The following RNF128 variants were observed in gnomAD, a reference collection of about 807,000 sequenced individuals.
RNF128 encodes ring finger protein 128, also known as E3 ubiquitin-protein ligase RNF128.
A neutral mutation model predicts 26.2 loss-of-function variants in RNF128; 13 were observed. The ratio of observed to expected loss-of-function variants is 0.50; its 90% confidence interval spans 0.32 to 0.79. The LOEUF (loss-of-function observed/expected upper bound fraction) is 0.79. RNF128 is among the 30% of genes least tolerant of loss of function. The pLI, the probability that RNF128 is intolerant of heterozygous loss-of-function variation, is 0.03. For synonymous variants in RNF128, 149 were observed against 142.5 expected (o/e 1.05, Z -0.32); for missense variants, 315 against 349.7 (o/e 0.90, Z 0.79).
chrX:106,769,635 A>G (rs1387532924), intron 1 of RNF128, among the ~76,000 whole-genome samples: 1 of 99,078 alleles, frequency 1.0e-5, no homozygotes, highest in African/African-American at 3.8e-5. Flanking sequence ...TGCATGTGAG[A>G]TGGGTCTCCT....
intron 1 of RNF128, among the ~76,000 whole-genome samples, chrX:106,716,573 G>T (rs1172812017): frequency 9.0e-6 from 1 of 110,781 alleles, no homozygotes; most frequent in Admixed American, 9.7e-5. Context: ...ACTAAAAAGG[G>T]TGAATTTTAC....
intron 4 of RNF128, 57 bp from the exon 5 acceptor site, chrX:106,790,129 T>G (rs1046460706): frequency 1.4e-6 from 1 of 715,276 alleles, no homozygotes; most frequent in Non-Finnish European, 2.2e-6. Context: ...TGTTAATATA[T>G]ATTAGGTAAA....
intron 1 of RNF128, among the ~76,000 whole-genome samples, chrX:106,730,309 C>T: frequency 8.9e-6 from 1 of 112,214 alleles, no homozygotes. Context: ...TTCTGATTCA[C>T]ACAGATAAAT....
chrX:106,760,215 C>T (rs772713217), intron 1 of RNF128, among the ~76,000 whole-genome samples: 4 of 111,618 alleles, frequency 3.6e-5, no homozygotes, highest in Non-Finnish European at 5.7e-5. Flanking sequence ...TTTTATGGAA[C>T]ATCTAATTCC....
intron 2 of RNF128, among the ~76,000 whole-genome samples, chrX:106,780,570 G>A (rs192740854): frequency 6.2e-5 from 7 of 112,225 alleles, no homozygotes; most frequent in East Asian, 5.6e-4. Flanking sequence ...GGCAAAAGGC[G>A]TTTGACATCA....
At position 106,769,117 on chromosome X, in the gene RNF128, G is replaced by A. The variant is rs150733047; in HGVS notation, c.485-3796G>A. On this transcript the variant is annotated intron_variant, in intron 1 of 6. Coordinates refer to ENST00000255499, the MANE Select transcript of RNF128 (RefSeq NM_194463.2). ...TTTCTGTTCTTTTACATTTGCTGAGGAGTGTTTTACTTCCAACTATGTCGT... is the reference window on the plus strand; with the variant it reads ...TTTCTGTTCTTTTACATTTGCTGAGAAGTGTTTTACTTCCAACTATGTCGT... Among the ~76,000 whole-genome samples the A allele has an allele frequency of 3.6e-4, 40 of 111,944 alleles. No homozygotes were observed. The East Asian group carries it at 5.3e-3, about 15-fold the overall frequency.
intron 1 of RNF128, among the ~76,000 whole-genome samples, chrX:106,742,002 G>T (rs1317748601): frequency 9.0e-6 from 1 of 111,650 alleles, no homozygotes; most frequent in East Asian, 2.8e-4. Context: ...TTTTGAAAAA[G>T]AATAATGTAC....
Position 106,721,169 on chromosome X carries a change from C to T in RNF128, c.406+26761C>T, listed in dbSNP as rs775489659. Among the ~76,000 whole-genome samples the T allele has an allele frequency of 8.0e-5, 9 of 111,910 alleles. No homozygotes were observed. The South Asian group carries it at 3.4e-3, about 42-fold the overall frequency. On this transcript the variant is annotated intron_variant, in intron 1 of 6. Coordinates refer to the RNF128 transcript ENST00000324342. ...TTGACTGCTTCTTCTCTCCACACAC[C>T]CACCATTTTCTTCTTGCTATCTACA...
At position 106,737,825 on chromosome X, in the gene RNF128, T is replaced by C. The variant is rs182127022; in HGVS notation, c.484+10428T>C. Among the ~76,000 whole-genome samples, 717 of 112,046 alleles carry C rather than the reference T, an allele frequency of 6.4e-3. 4 individuals carry two copies. Among genetic ancestry groups the C allele is most frequent in the Non-Finnish European group, 0.011 (604 of 53,145 alleles). The stretch of plus-strand genomic sequence containing the variant: ...ATAGGTGTGTTTCAATCAAATTCTT[T>C]CATCACCAGTTCATTTTGGCAAAAG... On this transcript the variant is annotated intron_variant, in intron 1 of 6. Coordinates refer to ENST00000255499, the MANE Select transcript of RNF128 (RefSeq NM_194463.2).
chrX:106,713,111 G>T (rs1450226239), intron 1 of RNF128, among the ~76,000 whole-genome samples: 1 of 107,876 alleles, frequency 9.3e-6, no homozygotes, highest in Non-Finnish European at 1.9e-5. Context: ...GAACTCCAGA[G>T]CTCAAGTCGT....
At position 106,795,634 on chromosome X, in the gene RNF128, T is replaced by A. The variant is rs765559218; in HGVS notation, c.1208T>A (p.Ile403Asn). Reference protein sequence around the residue: ...HEANSVAVDVIPHVDNPTFEE... With the variant: ...HEANSVAVDVNPHVDNPTFEE... ...GCAAATTCTGTGGCAGTGGATGTTA[T>A]TCCTCATGTTGACAACCCAACCTTT... is the stretch of plus-strand genomic sequence containing the variant. Residue 403 changes from isoleucine (I) to asparagine (N), a missense_variant, in exon 7 of 7, where the codon ATT becomes AAT. Physicochemically the swap from Ile to Asn is moderately radical, Grantham distance 149. Coordinates refer to ENST00000255499, the MANE Select transcript of RNF128 (RefSeq NM_194463.2). 5.8e-6 allele frequency: 7 copies of A among 1,201,655 alleles called. No homozygotes were observed. Among genetic ancestry groups the A allele is most frequent in the Non-Finnish European group, 6.7e-6 (6 of 889,255 alleles).
intron 4 of RNF128, among the ~76,000 whole-genome samples, chrX:106,789,294 T>G (rs1351911263): frequency 1.0e-5 from 1 of 97,293 alleles, no homozygotes; most frequent in Non-Finnish European, 2.0e-5. Context: ...TCTTGATAGA[T>G]TAGAATAAAT....
intron 1 of RNF128, among the ~76,000 whole-genome samples, chrX:106,748,680 A>C (rs1929827236): frequency 8.9e-6 from 1 of 111,858 alleles, no homozygotes; most frequent in African/African-American, 3.2e-5. Context: ...AGAAAGACAA[A>C]TGTCACATGT....
chrX:106,762,438 C>T (rs1205950587), intron 1 of RNF128, among the ~76,000 whole-genome samples: 1 of 109,853 alleles, frequency 9.1e-6, no homozygotes, highest in Admixed American at 9.7e-5. Flanking sequence ...CTCAGCCTCC[C>T]GAGTAGCTGG....
chrX:106,738,867 A>T (rs183529421), intron 1 of RNF128, among the ~76,000 whole-genome samples: 9 of 111,845 alleles, frequency 8.0e-5, no homozygotes, highest in African/African-American at 2.6e-4. Context: ...TTATTAAAGG[A>T]TAGCTTGACC....
At chrX:106,764,992 A>G (rs755921274) in intron 1 of RNF128, among the ~76,000 whole-genome samples, 1 of 111,801 alleles carries the variant, frequency 8.9e-6, no homozygotes, top group African/African-American at 3.2e-5. Context: ...CTCCAGATCC[A>G]TAAGGGATAT....
At chrX:106,731,242 T>C (rs1454300787) in intron 1 of RNF128, among the ~76,000 whole-genome samples, 1 of 112,115 alleles carries the variant, frequency 8.9e-6, no homozygotes, top group African/African-American at 3.2e-5. Context: ...CCTGAAATTC[T>C]AATTTGATCC....
At chrX:106,699,608 C>T (rs1208988122) in intron 1 of RNF128, among the ~76,000 whole-genome samples, 1 of 112,026 alleles carries the variant, frequency 8.9e-6, no homozygotes, top group African/African-American at 3.2e-5. Flanking sequence ...ACATATAGGT[C>T]GATCACATCA....
rs1437939798 is a variant in RNF128, at chrX:106,765,499, T to C, written c.485-7414T>C. On this transcript the variant is annotated intron_variant, in intron 1 of 6. Transcript: ENST00000255499. Reference sequence around the variant, plus strand: ...GAGAAAAGACAAATAATGTCTGTGATTTTAGTGCCATAGCTAAAAACTTAA... The same window carrying C: ...GAGAAAAGACAAATAATGTCTGTGACTTTAGTGCCATAGCTAAAAACTTAA... Among the ~76,000 whole-genome samples the C allele has an allele frequency of 1.1e-4, 12 of 111,434 alleles. No homozygotes were observed. In the Admixed American group the frequency reaches 1.1e-3, roughly 11 times the overall value.
Sources: allele counts gnomAD v4.1 joint callset (sites outside exome capture counted in the v4.1 genomes callset), GRCh38; gene constraint gnomAD v4.1.1; transcripts MANE v1.5; gene names NCBI Gene and HGNC (gene_info 2026-07-23, HGNC 2026-07-21).